The following ALG13 variants were observed in gnomAD, a reference collection of about 807,000 sequenced individuals.
ALG13 encodes the protein UDP-N-acetylglucosamine transferase subunit ALG13.
In ALG13, 11 loss-of-function variants were observed where a neutral mutation model predicts 87.8. That is an observed-to-expected ratio of 0.13 (90% CI 0.08 to 0.21). The LOEUF is 0.21. ALG13 is among the 10% of genes least tolerant of loss of function. ALG13 has a pLI of 1.00. For missense variants in ALG13, 756 were observed against 866.1 expected (o/e 0.87, Z 1.60); for synonymous variants, 320 against 306.3 (o/e 1.04, Z -0.47).
At chrX:111,729,706 T>G (rs1942466204) in intron 19 of ALG13, among the ~76,000 whole-genome samples, 1 of 112,020 alleles carries the variant, frequency 8.9e-6, no homozygotes, top group Non-Finnish European at 1.9e-5. Flanking sequence ...CGATTGAGTA[T>G]TGACTTTCTC....
At chrX:111,710,470 A>G (rs184051591) in intron 5 of ALG13, among the ~76,000 whole-genome samples, 29 of 111,625 alleles carry the variant, frequency 2.6e-4, no homozygotes, top group Middle Eastern at 4.6e-3. Flanking sequence ...TAGAAACCAG[A>G]CCCCATGCAA....
intron 13 of ALG13, among the ~76,000 whole-genome samples, chrX:111,723,136 TA>T (rs1941586339): frequency 9.4e-6 from 1 of 106,861 alleles, no homozygotes; most frequent in South Asian, 4.2e-4. Context: ...TTTTTATTTT[TA>T]TTTATTTATT....
At position 111,682,172 on chromosome X, in the gene ALG13, T is replaced by C. The variant is rs1266074652; in HGVS notation, c.122T>C (p.Ile41Thr). Residue 41 changes from isoleucine (I) to threonine (T), a missense_variant, in exon 2 of 27, where the codon ATT becomes ACT. Ile to Thr is a moderately conservative substitution (Grantham distance 89). Transcript: ENST00000394780. ...SLGYNRLILQ[I>T]GRGTVVPEPF... is the part of the protein sequence containing the mutation. ...GGTTACAACCGACTTATCCTGCAAATTGGTAGAGGAACGGTGGTACCTGAA... is the reference window on the plus strand; with the variant it reads ...GGTTACAACCGACTTATCCTGCAAACTGGTAGAGGAACGGTGGTACCTGAA... 1 of 1,195,012 alleles carries C rather than the reference T, an allele frequency of 8.4e-7. No homozygotes were observed. Among genetic ancestry groups the C allele is most frequent in the Middle Eastern group, 2.3e-4 (1 of 4,284 alleles).
chrX:111,681,794 C>A (rs1204216340), intron 1 of ALG13: 3 of 835,826 alleles, frequency 3.6e-6, no homozygotes, highest in Non-Finnish European at 4.3e-6. Context: ...GCGCGTCGTC[C>A]CCTCAGGGCT....
chrX:111,729,432 TAAA>T (rs749658851), intron 19 of ALG13, among the ~76,000 whole-genome samples: 19 of 110,995 alleles, frequency 1.7e-4, no homozygotes, highest in Admixed American at 1.4e-3. Flanking sequence ...ATTTAATGAG[TAAA>T]AAAATCTAGT....
chrX:111,699,913 G>A (rs779949640), intron 3 of ALG13, among the ~76,000 whole-genome samples: 80 of 108,827 alleles, frequency 7.4e-4, no homozygotes, highest in African/African-American at 2.4e-3. Context: ...TTTCTATTTC[G>A]GCAAAAATGT....
chrX:111,686,641 A>G (rs764761040), intron 3 of ALG13, among the ~76,000 whole-genome samples: 1 of 112,237 alleles, frequency 8.9e-6, no homozygotes, highest in East Asian at 2.8e-4. Context: ...GAGAGAAGCT[A>G]GATTAAAGAG....
At chrX:111,720,549 G>A (rs1417518729) in intron 11 of ALG13, among the ~76,000 whole-genome samples, 1 of 111,431 alleles carries the variant, frequency 9.0e-6, no homozygotes, top group Non-Finnish European at 1.9e-5. Context: ...ATGGTTTAAA[G>A]TTAGAGAAAC....
chrX:111,736,821 T>G lies in ALG13; in HGVS notation c.2637T>G (p.Val879=). ...AANQAISTTS[V]SSQNAIQPLF... ...ATCAAGCTATTAGTACCACTTCAGT[T>G]TCCTCACAGAATGCTATACAGCCTC... The change falls in exon 23 of 27, where the codon GTT becomes GTG. Residue 879 remains valine (V), a synonymous_variant. Coordinates refer to ENST00000394780, the MANE Select transcript of ALG13 (RefSeq NM_001099922.3). 8.3e-7 allele frequency: 1 copy of G among 1,210,958 alleles called. No individual in the cohort carries two copies. The highest frequency in any genetic ancestry group is 1.8e-5 in the South Asian group (1 of 56,897).
rs953594459 is a variant in ALG13, at chrX:111,755,644, CATTT to C, written c.2974-1941_2974-1938del. 4.4e-5 allele frequency among the ~76,000 whole-genome samples: 5 copies of C among 112,592 alleles called. No homozygotes were observed. The East Asian group carries it at 1.4e-3, about 32-fold the overall frequency. ...TGAACAGACACTTTTCAAAAGAAGA[CATTT>C]ATGTGGCCAACAAACAGGAAGAACT... On this transcript the variant is annotated intron_variant, in intron 25 of 26. Transcript: ENST00000394780.
intron 23 of ALG13, chrX:111,743,859 C>T (rs1016747574): frequency 2.7e-5 from 3 of 109,799 alleles, no homozygotes; most frequent in African/African-American, 1.0e-4. Flanking sequence ...TTTAAGCTGG[C>T]TAAAATTATT....
intron 3 of ALG13, among the ~76,000 whole-genome samples, chrX:111,705,959 A>G (rs926614806): frequency 5.4e-5 from 6 of 111,384 alleles, no homozygotes; most frequent in South Asian, 3.7e-4. Flanking sequence ...TGTTTTATAT[A>G]TCATACTTAT....
intron 2 of ALG13, among the ~76,000 whole-genome samples, chrX:111,683,432 C>T (rs1934078009): frequency 1.9e-5 from 2 of 105,812 alleles, no homozygotes; most frequent in Admixed American, 1.0e-4. Context: ...CGGGTTCAAG[C>T]GATTCTCCTG....
chrX:111,689,187 T>A (rs1284971483), intron 3 of ALG13: 1 of 741,844 alleles, frequency 1.3e-6, no homozygotes, highest in African/African-American at 2.3e-5. Flanking sequence ...TTGCTGAGAA[T>A]AATCTAAAAA....
intron 3 of ALG13, chrX:111,689,158 G>A: frequency 1.4e-6 from 1 of 713,164 alleles, no homozygotes; most frequent in Non-Finnish European, 1.7e-6. Flanking sequence ...GCAGGAGGAA[G>A]CCAACTTGGA....
At chrX:111,737,042 GAGTC>G in intron 23 of ALG13, 163 bp downstream of exon 23, 1 of 434,801 alleles carries the variant, frequency 2.3e-6, no homozygotes, top group Non-Finnish European at 3.5e-6. Context: ...TGAGATTTGA[GAGTC>G]AGGGATTCAA....
At chrX:111,711,268 G>A (rs747385027) in intron 5 of ALG13, among the ~76,000 whole-genome samples, 1 of 111,978 alleles carries the variant, frequency 8.9e-6, no homozygotes, top group Non-Finnish European at 1.9e-5. Flanking sequence ...TTGTCCCATG[G>A]TCTTTTTAGA....
chrX:111,755,367 T>C (rs1945143521), intron 25 of ALG13, among the ~76,000 whole-genome samples: 1 of 111,912 alleles, frequency 8.9e-6, no homozygotes. Flanking sequence ...GACATAGACA[T>C]GGGCAAAAAC....
At chrX:111,694,134 C>G (rs1449595418) in intron 3 of ALG13, among the ~76,000 whole-genome samples, 2 of 110,641 alleles carry the variant, frequency 1.8e-5, no homozygotes, top group Non-Finnish European at 3.8e-5. Flanking sequence ...AGCTCCGCCT[C>G]TCGGGTTCAC....
Sources: allele counts gnomAD v4.1 joint callset (sites outside exome capture counted in the v4.1 genomes callset), GRCh38; gene constraint gnomAD v4.1.1; transcripts MANE v1.5; gene names NCBI Gene and HGNC (gene_info 2026-07-23, HGNC 2026-07-21).